BIRC7: variants seen among roughly 807,000 people sequenced by gnomAD.
The protein encoded by BIRC7 is baculoviral IAP repeat-containing protein 7.
In BIRC7, 26 loss-of-function variants were observed where a neutral mutation model predicts 33.2. The ratio of observed to expected loss-of-function variants is 0.78; its 90% CI spans 0.57 to 1.09. BIRC7 has a LOEUF of 1.09. BIRC7 is among the 50% of genes least tolerant of loss of function. BIRC7 has a pLI of 0.00. For synonymous variants in BIRC7, 176 were observed against 171.0 expected (o/e 1.03, Z -0.23); for missense variants, 409 against 401.2 (o/e 1.02, Z -0.17).
Position 63,239,215 on chromosome 20 carries a change from G to GA in BIRC7, c.634dup (p.Ser212LysfsTer21). The GA allele has an allele frequency of 6.2e-7, 1 of 1,612,190 alleles. No homozygotes were observed. Among genetic ancestry groups the GA allele is most frequent in the Middle Eastern group, 1.7e-4 (1 of 6,060 alleles). On this transcript the variant is annotated frameshift_variant, in exon 5 of 7. Transcript: ENST00000217169. LOFTEE classifies it high-confidence loss of function. ...CACACCCAGGAGAGAGGTCCAGTCT[G>GA]AAAGTGCCCAGGAGCCAGGTGCAGG...
At position 63,236,185 on chromosome 20, in the gene BIRC7, G is replaced by A. The variant is rs1270646885; in HGVS notation, c.89G>A (p.Cys30Tyr). Residue 30 changes from cysteine (C) to tyrosine (Y), a missense_variant, in exon 1 of 7, where the codon TGT becomes TAT. Cys to Tyr is a radical substitution (Grantham distance 194). Transcript: ENST00000217169. The part of the protein sequence containing the change: ...AAGDGPTQER[C>Y]GPRSLGSPVL... ...GGTGATGGTCCCACGCAGGAGCGCT[G>A]TGGACCCCGCTCTCTGGGCAGCCCT... 5.0e-6 allele frequency: 8 copies of A among 1,589,998 alleles called. No homozygotes were observed. The highest frequency in any genetic ancestry group is 6.9e-6 in the Non-Finnish European group (8 of 1,167,842).
At chr20:63,238,285 A>G (rs1601256056) in intron 2 of BIRC7, 111 bp from the exon 3 acceptor site, 1 of 1,298,064 alleles carries the variant, frequency 7.7e-7, no homozygotes, top group Non-Finnish European at 1.1e-6. Flanking sequence ...GCCCACGGGC[A>G]CTGCAGGGTG....
In BIRC7 at chr20:63,236,080, G is replaced by A; in HGVS notation, c.-17G>A. On this transcript the variant is annotated 5_prime_UTR_variant, in exon 1 of 7. Transcript: ENST00000217169. ...CCCATTTCTGCTGCAAACCTGGTCA[G>A]AGCCAGTGTTCCCTCCATGGGACCT... 1 of 1,514,730 alleles carries A rather than the reference G, an allele frequency of 6.6e-7. No individual in the cohort carries two copies. The highest frequency in any genetic ancestry group is 8.9e-7 in the Non-Finnish European group (1 of 1,121,028). The allele number at this position is 1,514,730 out of a possible 1,614,324, so 93.8% of individuals were successfully genotyped here.
chr20:63,236,487 C>T, intron 1 of BIRC7, 42 bp downstream of exon 1: 1 of 1,502,356 alleles, frequency 6.7e-7, no homozygotes, highest in Non-Finnish European at 8.8e-7. Flanking sequence ...TGGGCCTGGG[C>T]ACGATTCTGG....
intron 2 of BIRC7, 155 bp from the exon 3 acceptor site, chr20:63,238,241 T>C: frequency 1.0e-6 from 1 of 969,450 alleles, no homozygotes; most frequent in Non-Finnish European, 1.6e-6. Context: ...TGAAGCCCCA[T>C]GGAGGCGTCT....
chr20:63,236,216 A>T lies in BIRC7; in HGVS notation c.120A>T (p.Leu40=). The part of the protein sequence containing the change: ...CGPRSLGSPV[L]GLDTCRAWDH... ...CCCGCTCTCTGGGCAGCCCTGTCCT[A>T]GGCCTGGACACCTGCAGAGCCTGGG... The change falls in exon 1 of 7, where the codon CTA becomes CTT. Residue 40 remains leucine (L), a synonymous_variant. Coordinates refer to ENST00000217169, the MANE Select transcript of BIRC7 (RefSeq NM_139317.3). 1.9e-6 allele frequency: 3 copies of T among 1,590,398 alleles called. No individual in the cohort carries two copies. The highest frequency in any genetic ancestry group is 2.6e-6 in the Non-Finnish European group (3 of 1,167,826).
chr20:63,237,884 G>A lies in BIRC7; in HGVS notation c.350-19G>A, dbSNP rs1325691086. ...ACTGGGTGGGACTTGGCTGGGGCCA[G>A]CATCTCTCCGCACCCCAGGCCATCA... On this transcript the variant is annotated intron_variant, in intron 1 of 6. Coordinates refer to ENST00000217169, the MANE Select transcript of BIRC7 (RefSeq NM_139317.3). 5 of 1,581,434 alleles carry A rather than the reference G, an allele frequency of 3.2e-6. No individual in the cohort carries two copies. Among genetic ancestry groups the A allele is most frequent in the Non-Finnish European group, 4.3e-6 (5 of 1,167,904 alleles).
chr20:63,238,787 G>A (rs777849826), intron 4 of BIRC7, 173 bp downstream of exon 4: 46 of 897,928 alleles, frequency 5.1e-5, no homozygotes, highest in African/African-American at 3.4e-5. Flanking sequence ...GAGGGTGGGG[G>A]CGGGGCGGCA....
rs142632940 is a variant in BIRC7 at position 63,239,112 on chromosome 20, C to T, written c.578-50C>T. On this transcript the variant is annotated intron_variant, in intron 4 of 6. Transcript: ENST00000217169. ...CTGCAGACCTGTATCTGGGCCGGCC[C>T]AGCTTTCTCCTTGGGAGTTAGGCCT... is the stretch of plus-strand genomic sequence containing the variant. 118 of 1,581,828 alleles carry T rather than the reference C, an allele frequency of 7.5e-5. 2 individuals are homozygous for T. The Admixed American group carries it at 1.9e-3, about 26-fold the overall frequency.
chr20:63,238,963 C>T (rs2066711372), intron 4 of BIRC7, 199 bp from the exon 5 acceptor site: 1 of 657,900 alleles, frequency 1.5e-6, no homozygotes, highest in Middle Eastern at 2.4e-4. Flanking sequence ...AAGGGACAGG[C>T]TCTCTGGTGG....
intron 2 of BIRC7, 82 bp from the exon 3 acceptor site, chr20:63,238,314 A>T (rs1361459929): frequency 6.5e-7 from 1 of 1,540,088 alleles, no homozygotes; most frequent in Admixed American, 1.7e-5. Context: ...AGGGGGCCCA[A>T]CCCTGACCCC....
At chr20:63,236,636 C>T (rs2066690980) in intron 1 of BIRC7, among the ~76,000 whole-genome samples, 191 bp downstream of exon 1, 1 of 152,230 alleles carries the variant, frequency 6.6e-6, no homozygotes, top group Non-Finnish European at 1.5e-5. Context: ...CCCGGAGTCT[C>T]TGCTGGCTGA....
chr20:63,240,388 C>G lies in BIRC7; in HGVS notation c.*138C>G, dbSNP rs1045808487. On this transcript the variant is annotated 3_prime_UTR_variant, in exon 7 of 7. Coordinates refer to ENST00000217169, the MANE Select transcript of BIRC7 (RefSeq NM_139317.3). ...GCACTGACCAGCCCTGATTCCCCGA[C>G]CACCGCCCAGGGTGGAGAAGGAGGC... The G allele has an allele frequency of 3.9e-5, 6 of 152,632 alleles. No individual in the cohort carries two copies. The highest frequency in any genetic ancestry group is 1.4e-4 in the African/African-American group (6 of 41,462). The allele number at this position is 152,632 out of a possible 1,614,324, so 9.5% of individuals were successfully genotyped here.
chr20:63,238,940 G>A lies in BIRC7; in HGVS notation c.578-222G>A, dbSNP rs534978073. ...TACTGCCAGATGGGCAGGATGTGCA[G>A]AGGGCATTGGACAAGGGACAGGCTC... is the stretch of plus-strand genomic sequence containing the variant. On this transcript the variant is annotated intron_variant, in intron 4 of 6. Coordinates refer to ENST00000217169, the MANE Select transcript of BIRC7 (RefSeq NM_139317.3). 4 of 634,892 alleles carry A rather than the reference G, an allele frequency of 6.3e-6. No individual in the cohort carries two copies. In the East Asian group the frequency reaches 8.1e-5, roughly 13 times the overall value. The allele number at this position is 634,892 out of a possible 1,614,324, so 39.3% of individuals were successfully genotyped here.
intron 1 of BIRC7, 50 bp downstream of exon 1, chr20:63,236,495 T>C: frequency 6.7e-7 from 1 of 1,494,866 alleles, no homozygotes; most frequent in Non-Finnish European, 8.9e-7. Context: ...GGCACGATTC[T>C]GGACCCTTCC....
chr20:63,239,073 C>T, intron 4 of BIRC7, 89 bp from the exon 5 acceptor site: 1 of 1,372,952 alleles, frequency 7.3e-7, no homozygotes, highest in Non-Finnish European at 1.0e-6. Flanking sequence ...CCGGCCAGAA[C>T]TGGACCCCAC....
chr20:63,237,853 C>T, intron 1 of BIRC7, 50 bp from the exon 2 acceptor site: 2 of 1,512,010 alleles, frequency 1.3e-6, no homozygotes, highest in Non-Finnish European at 1.8e-6. Context: ...CACCGGGGGC[C>T]CGGGGACTGG....
chr20:63,238,132 T>C, intron 2 of BIRC7, 130 bp downstream of exon 2: 1 of 971,134 alleles, frequency 1.0e-6, no homozygotes. Context: ...GGCCCTTCTG[T>C]GGGAGGTGCT....
intron 4 of BIRC7, chr20:63,238,910 G>A: frequency 3.2e-6 from 2 of 626,080 alleles, no homozygotes; most frequent in Non-Finnish European, 5.6e-6. Flanking sequence ...CACAGCATCT[G>A]CAGCTACTGC....
Sources: allele counts gnomAD v4.1 joint callset (sites outside exome capture counted in the v4.1 genomes callset), GRCh38; gene constraint gnomAD v4.1.1; transcripts MANE v1.5; gene names NCBI Gene and HGNC (gene_info 2026-07-23, HGNC 2026-07-21).